The following PIAS1 variants were observed in gnomAD, a reference collection of about 807,000 sequenced individuals.
PIAS1 encodes the protein E3 SUMO-protein ligase PIAS1.
In PIAS1, 6 loss-of-function variants were observed where a neutral mutation model predicts 71.3. The observed-to-expected ratio is 0.08, with a 90% confidence interval of 0.05 to 0.17. The LOEUF is 0.17. PIAS1 is among the 10% of genes least tolerant of loss of function. The probability of loss-of-function intolerance (pLI) is 1.00; values close to 1 mark genes in which losing one functional copy is unlikely to be tolerated. For missense variants in PIAS1, 555 were observed against 793.6 expected (o/e 0.70, Z 3.61); for synonymous variants, 303 against 292.9 (o/e 1.03, Z -0.35).
chr15:68,055,548 A>G (rs1230958981), intron 1 of PIAS1, among the ~76,000 whole-genome samples: 1 of 151,976 alleles, frequency 6.6e-6, no homozygotes, highest in Non-Finnish European at 1.5e-5. Context: ...GCTCCGCTTG[A>G]ATAATTTTGG....
At chr15:68,177,294 AAAAG>A (rs1166846343) in intron 11 of PIAS1, among the ~76,000 whole-genome samples, 11 of 150,858 alleles carry the variant, frequency 7.3e-5, no homozygotes, top group African/African-American at 2.4e-4. Context: ...AAAAAAAAAA[AAAAG>A]AAAGAAAAAA....
intron 7 of PIAS1, among the ~76,000 whole-genome samples, chr15:68,156,488 G>A (rs900301504): frequency 7.7e-6 from 1 of 129,488 alleles, no homozygotes; most frequent in Non-Finnish European, 1.7e-5. Context: ...TAGATCACTT[G>A]AGTGAGGTCA....
chr15:68,092,579 A>G (rs191408486), intron 2 of PIAS1, among the ~76,000 whole-genome samples: 312 of 152,310 alleles, frequency 2.0e-3, no homozygotes, highest in Middle Eastern at 3.4e-3. Flanking sequence ...CACAAATTCA[A>G]ATGTTGAAAC....
Position 68,187,633 on chromosome 15 carries a change from C to T in PIAS1, c.1754C>T (p.Ser585Phe). 2 of 1,613,992 alleles carry T rather than the reference C, an allele frequency of 1.2e-6. No homozygotes were observed. The highest frequency in any genetic ancestry group is 2.2e-5 in the East Asian group (1 of 44,888). ...LHSSRFFPYT[S>F]SQMFLDQLSA... The stretch of plus-strand genomic sequence containing the variant: ...TCGTCTCGGTTTTTCCCGTATACCT[C>T]CTCACAGATGTTTCTTGATCAGTTA... The change falls in exon 14 of 14, where the codon TCC becomes TTC. Residue 585 changes from serine (S) to phenylalanine (F), a missense_variant. Physicochemically the swap from Ser to Phe is radical, Grantham distance 155 (BLOSUM62 -2). Around this residue, in one of 5 missense-constraint regions of PIAS1, gnomAD observed 244 missense variants for 307.5 expected, o/e 0.79. Transcript: ENST00000249636. This position sits in a 1 kb window ranked among gnomAD's most constrained non-coding sequence, Gnocchi z 5.3.
At chr15:68,133,010 A>G (rs2092698173) in intron 2 of PIAS1, among the ~76,000 whole-genome samples, 1 of 150,050 alleles carries the variant, frequency 6.7e-6, no homozygotes, top group African/African-American at 2.5e-5. Flanking sequence ...AAAAGCCAGT[A>G]GCTTTATGTA....
intron 1 of PIAS1, among the ~76,000 whole-genome samples, chr15:68,082,902 G>T (rs1331688123): frequency 6.6e-6 from 1 of 152,048 alleles, no homozygotes; most frequent in Non-Finnish European, 1.5e-5. Flanking sequence ...AAACTTTTTG[G>T]TTTTTTAAAT....
chr15:68,114,697 A>G lies in PIAS1; in HGVS notation c.470-27249A>G, dbSNP rs74020051. Among the ~76,000 whole-genome samples the G allele has an allele frequency of 4.8e-3, 733 of 152,176 alleles. 6 individuals are homozygous for G. Among genetic ancestry groups the G allele is most frequent in the African/African-American group, 0.016 (676 of 41,562 alleles). On this transcript the variant is annotated intron_variant, in intron 2 of 13. Coordinates refer to ENST00000249636, the MANE Select transcript of PIAS1 (RefSeq NM_016166.3). ...CCTCTTAGATTAGCTCAGTGTTTCT[A>G]TCATCAGAATCTCAATTATTTTATG... is the stretch of plus-strand genomic sequence containing the variant.
intron 2 of PIAS1, among the ~76,000 whole-genome samples, chr15:68,088,873 G>T (rs2092309928): frequency 6.6e-6 from 1 of 152,108 alleles, no homozygotes; most frequent in South Asian, 2.1e-4. Context: ...TTTGCCGGTA[G>T]TTCATTTGTT....
Position 68,054,527 on chromosome 15 carries a change from C to T in PIAS1, c.24+177C>T, listed in dbSNP as rs2091873186. ...GAGGGGGCCCGCCTGCGGCGGGCCG[C>T]GGGCCCCGGGTGCCTCGGGGGCGCT... On this transcript the variant is annotated intron_variant, in intron 1 of 13. Coordinates refer to ENST00000249636, the MANE Select transcript of PIAS1 (RefSeq NM_016166.3). The surrounding 1 kb of genome is among the most constrained non-coding windows in gnomAD (Gnocchi z 4.6). 3.9e-6 allele frequency: 2 copies of T among 513,910 alleles called. No individual in the cohort carries two copies. Among genetic ancestry groups the T allele is most frequent in the Non-Finnish European group, 3.3e-6 (1 of 303,060 alleles). The allele number at this position is 513,910 out of a possible 1,614,324, so 31.8% of individuals were successfully genotyped here.
chr15:68,095,479 G>T (rs1001805073), intron 2 of PIAS1, among the ~76,000 whole-genome samples: 4 of 149,454 alleles, frequency 2.7e-5, no homozygotes, highest in African/African-American at 9.8e-5. Context: ...AAAAAAAGAC[G>T]TTTTGTTGAC....
At chr15:68,172,315 G>A (rs1435164939) in intron 8 of PIAS1, among the ~76,000 whole-genome samples, 1 of 152,132 alleles carries the variant, frequency 6.6e-6, no homozygotes, top group Non-Finnish European at 1.5e-5. Context: ...GTCTATCATT[G>A]ATGGACATTT....
intron 6 of PIAS1, among the ~76,000 whole-genome samples, chr15:68,147,073 C>G (rs981634578): frequency 1.3e-5 from 2 of 152,140 alleles, no homozygotes; most frequent in East Asian, 1.9e-4. Context: ...ATTTTGAAGA[C>G]CATCTTAGTA....
intron 6 of PIAS1, among the ~76,000 whole-genome samples, chr15:68,151,958 T>TTTTGTGGGGGGAGACAGAGTC: frequency 8.7e-6 from 1 of 114,860 alleles, no homozygotes; most frequent in African/African-American, 3.2e-5. Context: ...TTTTTTTTTT[T>TTTTGTGGGGGGAGACAGAGTC]TTGGGGGGGG....
At chr15:68,183,564 A>G (rs2093069433) in intron 12 of PIAS1, 66 bp from the exon 13 acceptor site, 1 of 682,356 alleles carries the variant, frequency 1.5e-6, no homozygotes, top group South Asian at 1.6e-5. Flanking sequence ...TTTTTGAAGT[A>G]TTGGGGCATT....
chr15:68,060,252 GT>G (rs919000651), intron 1 of PIAS1, among the ~76,000 whole-genome samples: 5 of 151,784 alleles, frequency 3.3e-5, no homozygotes, highest in East Asian at 3.9e-4. Context: ...ATGCTTATCA[GT>G]TTTTTTTGTT....
intron 7 of PIAS1, among the ~76,000 whole-genome samples, chr15:68,154,982 A>T (rs1237139080): frequency 6.6e-6 from 1 of 152,222 alleles, no homozygotes; most frequent in East Asian, 1.9e-4. Context: ...CAATACTAGA[A>T]TCTCAGCCAG....
intron 1 of PIAS1, among the ~76,000 whole-genome samples, chr15:68,069,787 G>T (rs796710965): frequency 6.7e-5 from 9 of 134,632 alleles, no homozygotes; most frequent in African/African-American, 2.6e-4. Context: ...CTGGGTGACA[G>T]AGCAAGACTC....
chr15:68,137,158 A>G (rs1437538787), intron 2 of PIAS1, among the ~76,000 whole-genome samples: 1 of 152,192 alleles, frequency 6.6e-6, no homozygotes, highest in Non-Finnish European at 1.5e-5. Flanking sequence ...TGACCCTGAA[A>G]TCTCACACCT....
intron 1 of PIAS1, among the ~76,000 whole-genome samples, chr15:68,072,687 G>A (rs1209522792): frequency 7.2e-5 from 11 of 151,930 alleles, no homozygotes; most frequent in African/African-American, 2.2e-4. Context: ...AGTTGTTACC[G>A]TCACTATTTC....
Sources: gnomAD v4.1 joint callset for allele counts (sites outside exome capture counted in the v4.1 genomes callset) on GRCh38, gnomAD v4.1.1 for gene constraint, gnomAD v4.1.1 regional missense constraint, Gnocchi (gnomAD v3.1) non-coding constraint, MANE v1.5 for transcripts, NCBI Gene and HGNC (gene_info 2026-07-23, HGNC 2026-07-21) for gene names.